GALNTL6: variants seen among roughly 807,000 people sequenced by gnomAD.
The protein encoded by GALNTL6 is polypeptide N-acetylgalactosaminyltransferase like 6.
A neutral mutation model predicts 73.7 loss-of-function variants in GALNTL6; 46 were observed. That is an observed-to-expected ratio of 0.62 (90% CI 0.49 to 0.80). The LOEUF (loss-of-function observed/expected upper bound fraction) is 0.80, where lower values mean the gene tolerates loss of function less well. Among genes scored for constraint, GALNTL6 ranks in the 30% least tolerant of loss-of-function variants. The pLI, the probability that GALNTL6 is intolerant of heterozygous loss-of-function variation, is 0.00. For missense variants in GALNTL6, 604 were observed against 755.0 expected (o/e 0.80, Z 2.34); for synonymous variants, 259 against 263.7 (o/e 0.98, Z 0.17).
intron 4 of GALNTL6, among the ~76,000 whole-genome samples, chr4:172,312,592 G>A (rs1329949673): frequency 6.6e-6 from 1 of 151,770 alleles, no homozygotes; most frequent in Non-Finnish European, 1.5e-5. Flanking sequence ...TGGAAACCCT[G>A]GTGTGAGAGA....
At chr4:172,561,056 ATC>A (rs1252678748) in intron 5 of GALNTL6, among the ~76,000 whole-genome samples, 17 of 151,692 alleles carry the variant, frequency 1.1e-4, no homozygotes, top group Non-Finnish European at 2.5e-4. Context: ...GATCGAGACC[ATC>A]CTGGCTAACA....
intron 5 of GALNTL6, among the ~76,000 whole-genome samples, chr4:172,736,286 A>G (rs1736456068): frequency 1.3e-5 from 2 of 152,340 alleles, no homozygotes; most frequent in South Asian, 4.1e-4. Context: ...CGACTATTTT[A>G]GAGACCTCCC....
Position 173,022,065 on chromosome 4 carries a change from AGG to A in GALNTL6, c.1638+441_1638+442del, listed in dbSNP as rs1491289942. On this transcript the variant is annotated intron_variant, in intron 12 of 12. Transcript: ENST00000506823. ...AAGGAAGGAAGGAAGGAAGGAAGGA[AGG>A]AAGGAAGGAAGGAAGGAAGGAAAGA... 3.7e-5 allele frequency among the ~76,000 whole-genome samples: 5 copies of A among 135,904 alleles called. No individual in the cohort carries two copies. In the South Asian group the frequency reaches 7.7e-4, roughly 21 times the overall value. The allele number at this position is 135,904 out of a possible 152,430, so 89.2% of individuals were successfully genotyped here. A position where few individuals can be genotyped will look rare whatever the true frequency, so the allele number is the denominator to read the frequency against.
At chr4:172,339,243 AAC>A (rs1295813751) in intron 4 of GALNTL6, among the ~76,000 whole-genome samples, 4 of 138,408 alleles carry the variant, frequency 2.9e-5, no homozygotes, top group African/African-American at 5.5e-5. Context: ...GCACCCAGCA[AAC>A]ACACACACAC....
At chr4:172,356,351 T>C (rs1742158748) in intron 5 of GALNTL6, among the ~76,000 whole-genome samples, 2 of 152,160 alleles carry the variant, frequency 1.3e-5, no homozygotes, top group African/African-American at 4.8e-5. Flanking sequence ...TCAGCAAACC[T>C]CAGCATGTGA....
At chr4:172,802,289 A>G (rs1023807995) in intron 5 of GALNTL6, among the ~76,000 whole-genome samples, 9 of 152,182 alleles carry the variant, frequency 5.9e-5, no homozygotes, top group Non-Finnish European at 1.0e-4. Context: ...GCTTTTATAC[A>G]AAGGCTGGAA....
intron 5 of GALNTL6, among the ~76,000 whole-genome samples, chr4:172,414,656 G>C (rs1407596477): frequency 6.6e-6 from 1 of 152,120 alleles, no homozygotes; most frequent in African/African-American, 2.4e-5. Context: ...TAAATTGCCA[G>C]TCATCAGAAC....
chr4:172,225,658 A>G (rs1476526473), intron 2 of GALNTL6, among the ~76,000 whole-genome samples: 2 of 152,098 alleles, frequency 1.3e-5, no homozygotes, highest in African/African-American at 2.4e-5. Context: ...TGGATGGCTG[A>G]GGCGTGAGAA....
chr4:172,155,822 G>A (rs1734235801), intron 2 of GALNTL6, among the ~76,000 whole-genome samples: 1 of 151,810 alleles, frequency 6.6e-6, no homozygotes, highest in Non-Finnish European at 1.5e-5. Flanking sequence ...ATAGAATTCT[G>A]ACCACACTAC....
chr4:171,866,048 T>C (rs1480312971), intron 2 of GALNTL6, among the ~76,000 whole-genome samples: 1 of 152,186 alleles, frequency 6.6e-6, no homozygotes, highest in African/African-American at 2.4e-5. Context: ...AAAAAGAGAC[T>C]TGTTATCAAT....
At chr4:172,590,278 A>G (rs1194111216) in intron 5 of GALNTL6, among the ~76,000 whole-genome samples, 1 of 152,188 alleles carries the variant, frequency 6.6e-6, no homozygotes, top group Non-Finnish European at 1.5e-5. Flanking sequence ...TTGGAATGCA[A>G]CAGGGAGCAA....
chr4:172,865,590 C>A lies in GALNTL6; in HGVS notation c.924-17200C>A, dbSNP rs886677265. ...ACTATAATTGTGATATCTTTATGTA[C>A]CAATTTAGCTTTGCAAACTTTTAAA... On this transcript the variant is annotated intron_variant, in intron 7 of 12. Coordinates refer to ENST00000506823, the MANE Select transcript of GALNTL6 (RefSeq NM_001034845.3). 7.9e-5 allele frequency among the ~76,000 whole-genome samples: 12 copies of A among 152,138 alleles called. 1 individual carries two copies.
intron 5 of GALNTL6, among the ~76,000 whole-genome samples, chr4:172,682,627 G>A (rs532731484): frequency 1.7e-4 from 26 of 152,112 alleles, no homozygotes; most frequent in African/African-American, 6.0e-4. Context: ...TGCTAAATTT[G>A]GCCATCCTAA....
intron 5 of GALNTL6, among the ~76,000 whole-genome samples, chr4:172,542,940 T>C (rs964517585): frequency 2.0e-5 from 3 of 150,734 alleles, no homozygotes; most frequent in African/African-American, 7.3e-5. Flanking sequence ...AAAAAAAAAA[T>C]ACAAAAATTA....
At chr4:172,979,865 C>T (rs1463439264) in intron 10 of GALNTL6, among the ~76,000 whole-genome samples, 1 of 152,192 alleles carries the variant, frequency 6.6e-6, no homozygotes, top group African/African-American at 2.4e-5. Flanking sequence ...AACAAGAATG[C>T]TTACCACTTT....
At chr4:172,908,141 A>G (rs1747005415) in intron 8 of GALNTL6, among the ~76,000 whole-genome samples, 1 of 152,188 alleles carries the variant, frequency 6.6e-6, no homozygotes. Flanking sequence ...AGGATGTGAG[A>G]TTTCATCACA....
intron 5 of GALNTL6, among the ~76,000 whole-genome samples, chr4:172,648,595 A>C (rs1740344209): frequency 1.3e-5 from 2 of 152,190 alleles, no homozygotes; most frequent in African/African-American, 4.8e-5. Flanking sequence ...TAAGTCCAAA[A>C]AAATCAGGAC....
intron 2 of GALNTL6, among the ~76,000 whole-genome samples, chr4:171,995,930 T>C (rs1740473191): frequency 6.6e-6 from 1 of 152,022 alleles, no homozygotes; most frequent in Non-Finnish European, 1.5e-5. Context: ...ACAACCATTG[T>C]ACAGAATAAA....
At chr4:172,606,459 C>CA (rs10622983) in intron 5 of GALNTL6, among the ~76,000 whole-genome samples, 61,518 of 121,038 alleles carry the variant, frequency 0.51, 15,450 homozygotes, top group East Asian at 0.71. Flanking sequence ...TGTCTCAAAA[C>CA]AAAAAAAAAA....
Sources: gnomAD v4.1 joint callset for allele counts (sites outside exome capture counted in the v4.1 genomes callset) on GRCh38, gnomAD v4.1.1 for gene constraint, MANE v1.5 for transcripts, NCBI Gene and HGNC (gene_info 2026-07-23, HGNC 2026-07-21) for gene names.